Variants in RECQL observed in about 807,000 individuals in gnomAD.
RECQL encodes RecQ like helicase.
A neutral mutation model predicts 75.8 loss-of-function variants in RECQL; 73 were observed. The observed-to-expected ratio is 0.96, with a 90% confidence interval of 0.80 to 1.17. The LOEUF (loss-of-function observed/expected upper bound fraction) is 1.17, where lower values mean the gene tolerates loss of function less well. RECQL is among the 50% of genes most tolerant of loss of function. RECQL has a pLI of 0.00. For synonymous variants in RECQL, 248 were observed against 254.4 expected, an observed-to-expected ratio of 0.97 and a Z score of 0.24; for missense variants, 699 against 772.1, an observed-to-expected ratio of 0.91 and a Z score of 1.12.
intron 3 of RECQL, among the ~76,000 whole-genome samples, chr12:21,491,157 G>A (rs553192080): frequency 6.6e-6 from 1 of 152,182 alleles, no homozygotes; most frequent in Admixed American, 6.5e-5. Flanking sequence ...GTTTGATAAG[G>A]TCTTGAATCA....
At chr12:21,496,757 G>C in intron 2 of RECQL, among the ~76,000 whole-genome samples, 1 of 152,354 alleles carries the variant, frequency 6.6e-6, no homozygotes, top group South Asian at 2.1e-4. Flanking sequence ...ATTACTAAGA[G>C]AGCAGCACAG....
At position 21,476,926 on chromosome 12, in the gene RECQL, A is replaced by G. The variant is rs757070119; in HGVS notation, c.934T>C (p.Tyr312His). ...EDIVKLINGR[Y>H]KGQSGIIYCF... ...TTTACATTACCTGATTGCCCTTTGT[A>G]TCTCCCATTAATGAGCTTTACAATA... The change falls in exon 8 of 15, where the codon TAC (tyrosine) becomes CAC (histidine). Residue 312 changes from tyrosine to histidine, a missense_variant. Coordinates refer to ENST00000444129, the MANE Select transcript of RECQL (RefSeq NM_002907.4). 4 of 1,607,710 alleles carry G rather than the reference A, an allele frequency of 2.5e-6. No homozygotes were observed. Among genetic ancestry groups the G allele is most frequent in the African/African-American group, 2.7e-5 (2 of 74,666 alleles).
At chr12:21,483,302 G>A in intron 6 of RECQL, 74 bp downstream of exon 6, 1 of 947,370 alleles carries the variant, frequency 1.1e-6, no homozygotes, top group Non-Finnish European at 1.6e-6. Flanking sequence ...TAGAAGCAGA[G>A]ATTTCCATCA....
In RECQL at chr12:21,501,592, A is replaced by G; in HGVS notation, c.-468T>C. 2.9e-6 allele frequency: 1 copy of G among 342,924 alleles called. No individual in the cohort carries two copies. Among genetic ancestry groups the G allele is most frequent in the Non-Finnish European group, 5.5e-6 (1 of 182,586 alleles). The allele number at this position is 342,924 out of a possible 1,614,324, so 21.2% of individuals were successfully genotyped here. Reference sequence around the variant, plus strand: ...CAGGCCTCGAGCAGATCTTTCCGCTACTCGGGAGTAAAATCTTCCCGCCAG... The same window carrying G: ...CAGGCCTCGAGCAGATCTTTCCGCTGCTCGGGAGTAAAATCTTCCCGCCAG... On this transcript the variant is annotated 5_prime_UTR_variant, in exon 1 of 15. An upstream open reading frame in the 5' UTR loses its in-frame stop. Coordinates refer to ENST00000444129, the MANE Select transcript of RECQL (RefSeq NM_002907.4).
chr12:21,498,058 CT>C (rs1943540460), intron 2 of RECQL, among the ~76,000 whole-genome samples: 1 of 152,226 alleles, frequency 6.6e-6, no homozygotes, highest in African/African-American at 2.4e-5. Context: ...GGAATTCCTA[CT>C]GATTGTCATC....
At chr12:21,486,913 T>C (rs1380114703) in intron 4 of RECQL, among the ~76,000 whole-genome samples, 1 of 152,022 alleles carries the variant, frequency 6.6e-6, no homozygotes, top group Non-Finnish European at 1.5e-5. Flanking sequence ...GCTCAGGCAA[T>C]CTGCCCACCT....
chr12:21,482,420 G>C (rs1051464417), intron 6 of RECQL, among the ~76,000 whole-genome samples: 5 of 152,140 alleles, frequency 3.3e-5, no homozygotes, highest in African/African-American at 1.2e-4. Context: ...TGGAAGAAAT[G>C]TATAAAGGAG....
intron 12 of RECQL, among the ~76,000 whole-genome samples, chr12:21,472,407 C>T (rs1422593185): frequency 2.6e-5 from 4 of 152,010 alleles, no homozygotes; most frequent in Non-Finnish European, 4.4e-5. Context: ...AGGAAAATGG[C>T]GGCTCCATAG....
rs112090141 is a variant in RECQL, at chr12:21,490,643, C to T, written c.215-265G>A. Among the ~76,000 whole-genome samples, 25 of 152,074 alleles carry T rather than the reference C, an allele frequency of 1.6e-4. 1 individual carries two copies. The East Asian group carries it at 4.3e-3, about 26-fold the overall frequency. ...GGAGGATTACTTGAGCTCAGGAGTT[C>T]GAGACCAGCCTGAGCTCAAGCGATG... On this transcript the variant is annotated intron_variant, in intron 3 of 14. Transcript: ENST00000444129.
chr12:21,471,693 G>T, intron 12 of RECQL, 46 bp from the exon 13 acceptor site: 1 of 1,471,938 alleles, frequency 6.8e-7, no homozygotes, highest in Non-Finnish European at 9.5e-7. Context: ...ATTTAGAAAT[G>T]AGGGCAAAGA....
At position 21,476,774 on chromosome 12, in the gene RECQL, C is replaced by T; in HGVS notation, c.949+137G>A. 4.2e-6 allele frequency: 2 copies of T among 481,376 alleles called. 1 individual carries two copies. Among genetic ancestry groups the T allele is most frequent in the Admixed American group, 8.3e-5 (2 of 24,112 alleles). 29.8% of individuals were successfully genotyped at this position (481,376 alleles called of 1,614,324 possible). ...CTAAGATCAAGTGAATTAATTTTATCACGTATTTTCAAGTATCTTCTGCTA... is the reference window on the plus strand; with the variant it reads ...CTAAGATCAAGTGAATTAATTTTATTACGTATTTTCAAGTATCTTCTGCTA... On this transcript the variant is annotated intron_variant, in intron 8 of 14. Coordinates refer to ENST00000444129, the MANE Select transcript of RECQL (RefSeq NM_002907.4).
chr12:21,472,445 G>C (rs188976270), intron 12 of RECQL, among the ~76,000 whole-genome samples: 8 of 152,212 alleles, frequency 5.3e-5, no homozygotes, highest in Non-Finnish European at 8.8e-5. Context: ...CAAAGGCAGA[G>C]TGGCACTGTA....
chr12:21,476,962 A>C lies in RECQL; in HGVS notation c.898T>G (p.Phe300Val). 6.2e-7 allele frequency: 1 copy of C among 1,610,412 alleles called. No individual in the cohort carries two copies. Among genetic ancestry groups the C allele is most frequent in the Non-Finnish European group, 8.5e-7 (1 of 1,178,468 alleles). The change falls in exon 8 of 15, where the codon TTT (phenylalanine) becomes GTT (valine). Residue 300 changes from phenylalanine (F) to valine (V), a missense_variant. Coordinates refer to ENST00000444129, the MANE Select transcript of RECQL (RefSeq NM_002907.4). Reference sequence around the variant, plus strand: ...ATGAGCTTTACAATATCCTCAATAAAATCTTCAGTGTTTGAGGGCTTCTGC... The same window carrying C: ...ATGAGCTTTACAATATCCTCAATAACATCTTCAGTGTTTGAGGGCTTCTGC... ...VRQKPSNTED[F>V]IEDIVKLING... is the part of the protein sequence containing the mutation.
intron 6 of RECQL, 82 bp downstream of exon 6, chr12:21,483,294 G>A: frequency 1.1e-6 from 1 of 882,594 alleles, no homozygotes. Context: ...GATTTTAATA[G>A]AAGCAGAGAT....
At chr12:21,472,380 T>G (rs927911805) in intron 12 of RECQL, among the ~76,000 whole-genome samples, 9 of 152,090 alleles carry the variant, frequency 5.9e-5, no homozygotes, top group Admixed American at 4.6e-4. Context: ...AAAGCAAGTT[T>G]ATTAGCAATA....
intron 10 of RECQL, 122 bp from the exon 11 acceptor site, chr12:21,475,101 G>T: frequency 1.0e-6 from 1 of 962,926 alleles, no homozygotes; most frequent in Non-Finnish European, 1.5e-6. Context: ...TTAGAGATGT[G>T]GAAGTTAATT....
At chr12:21,473,663 AC>A in intron 11 of RECQL, 21 bp from the exon 12 acceptor site, 1 of 1,593,634 alleles carries the variant, frequency 6.3e-7, no homozygotes, top group Non-Finnish European at 8.6e-7. Flanking sequence ...ATTTAAAGAT[AC>A]AAATTATTAA....
intron 4 of RECQL, 71 bp from the exon 5 acceptor site, chr12:21,486,656 C>CCCT (rs1565571187): frequency 1.9e-5 from 3 of 161,210 alleles, no homozygotes; most frequent in African/African-American, 1.3e-4. Context: ...AAACCATTCA[C>CCCT]GTTTTTTTTT....
At chr12:21,472,889 G>A (rs1943008089) in intron 12 of RECQL, among the ~76,000 whole-genome samples, 1 of 152,030 alleles carries the variant, frequency 6.6e-6, no homozygotes, top group Non-Finnish European at 1.5e-5. Flanking sequence ...ATTATCACAT[G>A]GTTTCCCTTT....
Sources: gnomAD v4.1 joint callset for allele counts (sites outside exome capture counted in the v4.1 genomes callset) on GRCh38, gnomAD v4.1.1 for gene constraint, MANE v1.5 for transcripts, NCBI Gene and HGNC (gene_info 2026-07-23, HGNC 2026-07-21) for gene names.